The following SCD5 variants were observed in gnomAD, a reference collection of about 807,000 sequenced individuals.
SCD5 encodes the protein stearoyl-CoA desaturase 5, also known as acyl-CoA-desaturase 4.
SCD5 carries 20 observed loss-of-function variants against 30.4 expected under a neutral mutation model. The observed-to-expected ratio is 0.66, with a 90% CI of 0.46 to 0.96. The LOEUF (loss-of-function observed/expected upper bound fraction) is 0.96. Ranked by LOEUF, SCD5 falls within the 40% of genes least tolerant of loss-of-function variation. The pLI is 0.00. For missense variants in SCD5, 381 were observed against 443.3 expected (o/e 0.86, Z 1.26); for synonymous variants, 173 against 176.4 (o/e 0.98, Z 0.16).
intron 1 of SCD5, among the ~76,000 whole-genome samples, chr4:82,718,814 A>G (rs1429442792): frequency 1.3e-5 from 2 of 151,546 alleles, no homozygotes; most frequent in Non-Finnish European, 2.9e-5. Context: ...ACCCCAAGAC[A>G]GACTTTTTTT....
intron 1 of SCD5, among the ~76,000 whole-genome samples, chr4:82,741,863 G>GT (rs1312073720): frequency 1.6e-4 from 21 of 127,784 alleles, no homozygotes; most frequent in African/African-American, 4.9e-4. Context: ...CGGGGGGGGG[G>GT]AGTGGGCAGA....
intron 1 of SCD5, among the ~76,000 whole-genome samples, chr4:82,750,768 T>G (rs1205372664): frequency 1.3e-5 from 2 of 152,128 alleles, no homozygotes; most frequent in Non-Finnish European, 2.9e-5. Context: ...GACTCAGAAG[T>G]CCATTTTACA....
intron 1 of SCD5, among the ~76,000 whole-genome samples, chr4:82,781,649 A>C (rs1387147337): frequency 1.3e-5 from 2 of 152,084 alleles, no homozygotes; most frequent in African/African-American, 4.8e-5. Context: ...CTTATGAAGG[A>C]ATTAATGCCA....
At chr4:82,794,640 C>T (rs1967623) in intron 1 of SCD5, among the ~76,000 whole-genome samples, 24,643 of 151,342 alleles carry the variant, frequency 0.16, 2,452 homozygotes, top group African/African-American at 0.27. Flanking sequence ...TTGGAGTTTG[C>T]ATTCTGTCCA....
chr4:82,797,132 C>T (rs1722242098), intron 1 of SCD5, among the ~76,000 whole-genome samples: 2 of 152,078 alleles, frequency 1.3e-5, no homozygotes, highest in African/African-American at 2.4e-5. Context: ...CCATAGTGGC[C>T]CCATTATCTA....
intron 1 of SCD5, among the ~76,000 whole-genome samples, chr4:82,786,311 C>T (rs1268211131): frequency 9.2e-5 from 14 of 152,204 alleles, no homozygotes; most frequent in Non-Finnish European, 2.1e-4. Flanking sequence ...AGGTCATAGG[C>T]TGCATTTGTA....
At chr4:82,790,300 C>T (rs1022666440) in intron 1 of SCD5, among the ~76,000 whole-genome samples, 1 of 152,180 alleles carries the variant, frequency 6.6e-6, no homozygotes, top group African/African-American at 2.4e-5. Flanking sequence ...CCTGGGCAGC[C>T]TCTCTTTCCA....
At chr4:82,653,956 C>T (rs1339921925) in intron 3 of SCD5, among the ~76,000 whole-genome samples, 1 of 151,184 alleles carries the variant, frequency 6.6e-6, no homozygotes, top group African/African-American at 2.4e-5. Flanking sequence ...CCTGCTCTGT[C>T]ACCCAGGCTG....
intron 2 of SCD5, among the ~76,000 whole-genome samples, chr4:82,702,198 G>A (rs1352851259): frequency 1.5e-5 from 2 of 131,362 alleles, no homozygotes; most frequent in African/African-American, 5.6e-5. Context: ...AGGCTGGAGT[G>A]CAGTGGTGTG....
At chr4:82,775,359 G>A (rs1417957079) in intron 1 of SCD5, 1 of 152,304 alleles carries the variant, frequency 6.6e-6, no homozygotes, top group Non-Finnish European at 1.5e-5. Flanking sequence ...GTATGGCCTA[G>A]GAAAGCATCG....
chr4:82,660,926 T>G, intron 3 of SCD5: 3 of 1,614,130 alleles, frequency 1.9e-6, no homozygotes, highest in Non-Finnish European at 2.5e-6. Context: ...AAGCAGCACT[T>G]TTCGGAGTGG....
chr4:82,781,088 C>G (rs1316331788), intron 1 of SCD5, among the ~76,000 whole-genome samples: 1 of 152,152 alleles, frequency 6.6e-6, no homozygotes, highest in African/African-American at 2.4e-5. Flanking sequence ...CAAGCACCAG[C>G]TAGGGCTTGA....
At chr4:82,729,271 G>A (rs1009561736) in intron 1 of SCD5, among the ~76,000 whole-genome samples, 5 of 152,234 alleles carry the variant, frequency 3.3e-5, no homozygotes, top group Admixed American at 2.6e-4. Context: ...GAAGGGTCGG[G>A]AAGGGTTTCC....
At chr4:82,729,184 C>A (rs763215494) in intron 1 of SCD5, among the ~76,000 whole-genome samples, 2 of 152,178 alleles carry the variant, frequency 1.3e-5, no homozygotes, top group Non-Finnish European at 2.9e-5. Flanking sequence ...AAGAGGCATT[C>A]CAAGGGTTTG....
intron 1 of SCD5, among the ~76,000 whole-genome samples, chr4:82,793,422 G>T (rs11731161): frequency 0.044 from 6,723 of 152,240 alleles, 302 homozygotes; most frequent in African/African-American, 0.1. Context: ...AAAGAGAAGG[G>T]CATGAAGGAG....
intron 3 of SCD5, 46 bp from the exon 4 acceptor site, chr4:82,636,869 G>A (rs1727444519): frequency 1.3e-6 from 2 of 1,485,654 alleles, no homozygotes; most frequent in Non-Finnish European, 1.8e-6. Context: ...GCTGATGGGA[G>A]AGAGGATGGG....
rs1310860460 is a variant in SCD5, at chr4:82,636,899, A to C, written c.570-76T>G. The stretch of plus-strand genomic sequence containing the variant: ...GATGGGCTGAGCAAGTCACAGGAAA[A>C]GTCAGAAAAAAGCCCAGGGAGAGAA... On this transcript the variant is annotated intron_variant, in intron 3 of 4. Coordinates refer to ENST00000319540, the MANE Select transcript of SCD5 (RefSeq NM_001037582.3). The C allele has an allele frequency of 2.3e-6, 3 of 1,289,924 alleles. No individual in the cohort carries two copies. In the African/African-American group the frequency reaches 4.5e-5, roughly 19 times the overall value. 79.9% of individuals were successfully genotyped at this position (1,289,924 alleles called of 1,614,324 possible).
chr4:82,706,642 G>A (rs890484540), intron 1 of SCD5, among the ~76,000 whole-genome samples: 10 of 152,248 alleles, frequency 6.6e-5, no homozygotes, highest in African/African-American at 2.2e-4. Flanking sequence ...CAAAGCCTAA[G>A]CTGGGGTTTA....
chr4:82,712,247 T>C (rs1230022237), intron 1 of SCD5, among the ~76,000 whole-genome samples: 4 of 7,568 alleles, frequency 5.3e-4, no homozygotes, highest in Admixed American at 1.2e-3. Flanking sequence ...AACTAACATA[T>C]ATATATATAT....
Sources: allele counts gnomAD v4.1 joint callset (sites outside exome capture counted in the v4.1 genomes callset), GRCh38; gene constraint gnomAD v4.1.1; transcripts MANE v1.5; gene names NCBI Gene and HGNC (gene_info 2026-07-23, HGNC 2026-07-21).